The following POLG2 variants were observed in gnomAD, a reference collection of about 807,000 sequenced individuals.
POLG2 encodes the protein DNA polymerase subunit gamma-2.
In POLG2, 50 loss-of-function variants were observed where a neutral mutation model predicts 56.5. That is an observed-to-expected ratio of 0.88 (90% CI 0.71 to 1.12). The LOEUF (loss-of-function observed/expected upper bound fraction) is 1.12, where lower values mean the gene tolerates loss of function less well. Ranked by LOEUF, POLG2 falls within the 50% of genes most tolerant of loss-of-function variation. POLG2 has a pLI of 0.00. For synonymous variants in POLG2, 226 were observed against 222.6 expected, an observed-to-expected ratio of 1.02 and a Z score of -0.14; for missense variants, 584 against 583.3, an observed-to-expected ratio of 1.00 and a Z score of -0.01.
intron 3 of POLG2, chr17:64,491,830 G>A (rs1002054984): frequency 3.2e-5 from 14 of 439,038 alleles, no homozygotes; most frequent in Middle Eastern, 6.7e-4. Context: ...CTTCTTGGCT[G>A]CAACCCCTCC....
intron 7 of POLG2, among the ~76,000 whole-genome samples, chr17:64,480,067 A>C (rs1555666184): frequency 6.6e-6 from 1 of 152,234 alleles, no homozygotes; most frequent in Non-Finnish European, 1.5e-5. Flanking sequence ...CATGACATTA[A>C]GTCTTGGAAC....
Position 64,495,165 on chromosome 17 carries a change from G to A in POLG2, c.562+1242C>T, listed in dbSNP as rs1387388169. Among the ~76,000 whole-genome samples, 22 of 106,908 alleles carry A rather than the reference G, an allele frequency of 2.1e-4. 1 individual carries two copies. The highest frequency in any genetic ancestry group is 2.9e-4 in the Non-Finnish European group (17 of 57,682). 70.1% of individuals were successfully genotyped at this position (106,908 alleles called of 152,430 possible). ...TGCACTCCAGCCTGGGCGGCAGAGCGAGACTCTGTCTCAAAAAAAAAAAAA... is the reference window on the plus strand; with the variant it reads ...TGCACTCCAGCCTGGGCGGCAGAGCAAGACTCTGTCTCAAAAAAAAAAAAA... On this transcript the variant is annotated intron_variant, in intron 1 of 7. Coordinates refer to ENST00000539111, the MANE Select transcript of POLG2 (RefSeq NM_007215.4).
intron 6 of POLG2, chr17:64,481,472 C>A: frequency 1.1e-6 from 1 of 899,796 alleles, no homozygotes; most frequent in East Asian, 1.2e-4. Context: ...AGCCATCCCC[C>A]ATGGCCTTTC....
At chr17:64,487,515 G>A (rs1555667707) in intron 4 of POLG2, 1 of 151,370 alleles carries the variant, frequency 6.6e-6, no homozygotes, top group African/African-American at 2.4e-5. Flanking sequence ...TCAGCAGGCT[G>A]AGGCATGAGA....
rs2037938837 is a variant in POLG2, at chr17:64,485,710, C to T, written c.1110+18G>A. 1 of 1,601,894 alleles carries T rather than the reference C, an allele frequency of 6.2e-7. No individual in the cohort carries two copies. ...TATTTTTAGTTTCCCAAGTCTATCT[C>T]TGAAATATCAACAGCACCTTTCTAT... On this transcript the variant is annotated intron_variant, in intron 5 of 7. Transcript: ENST00000539111.
rs1064797227 is a variant in POLG2 at position 64,496,922 on chromosome 17, C to G, written c.47G>C (p.Cys16Ser). ...AVRACHKVCR[C>S]LLSGFGGRVD... ...TCGACCCCCAAACCCAGACAACAGG[C>G]ACCTGCAGACCTTATGGCAGGCCCT... is the stretch of plus-strand genomic sequence containing the variant. Residue 16 changes from cysteine (C) to serine (S), a missense_variant, in exon 1 of 8, where the codon TGC becomes TCC. Transcript: ENST00000539111. 9.9e-6 allele frequency: 16 copies of G among 1,612,074 alleles called. No individual in the cohort carries two copies. Among genetic ancestry groups the G allele is most frequent in the African/African-American group, 1.3e-5 (1 of 75,046 alleles).
At position 64,492,687 on chromosome 17, in the gene POLG2, G is replaced by A. The variant is rs782006396; in HGVS notation, c.775C>T (p.Arg259Ter). The A allele has an allele frequency of 2.1e-5, 33 of 1,608,524 alleles. No individual in the cohort carries two copies. Among genetic ancestry groups the A allele is most frequent in the East Asian group, 4.5e-5 (2 of 44,860 alleles). ...NQWLDFWLRH[R>*]LQWWRKFAMS... is the part of the protein sequence containing the mutation. ...AGTACCTTTCTCCACCACTGGAGTC[G>A]ATGACGTAACCAGAAATCAAGCCAC... is the stretch of plus-strand genomic sequence containing the variant. The change falls in exon 3 of 8, where the codon CGA (arginine) becomes TGA (stop). Residue 259 changes from arginine (R) to a stop codon, truncating the protein, a stop_gained. Transcript: ENST00000539111. LOFTEE classifies it high-confidence loss of function.
chr17:64,484,571 G>A (rs1195753181), intron 5 of POLG2, among the ~76,000 whole-genome samples: 6 of 152,148 alleles, frequency 3.9e-5, no homozygotes, highest in Admixed American at 3.9e-4. Flanking sequence ...AGGAGTGGCG[G>A]TGGCTTATAG....
At chr17:64,481,535 G>T (rs904031928) in intron 6 of POLG2, 1 of 404,012 alleles carries the variant, frequency 2.5e-6, no homozygotes, top group Non-Finnish European at 3.3e-6. Context: ...TAAAATTATA[G>T]ATCTAGAATA....
intron 3 of POLG2, chr17:64,491,807 C>T (rs781976636): frequency 6.5e-5 from 33 of 509,094 alleles, no homozygotes; most frequent in Non-Finnish European, 1.1e-4. Flanking sequence ...ATGCTCTGCA[C>T]TCCCCCAGCA....
chr17:64,493,104 A>T, intron 1 of POLG2, 83 bp from the exon 2 acceptor site: 1 of 1,386,782 alleles, frequency 7.2e-7, no homozygotes, highest in Middle Eastern at 1.8e-4. Context: ...TAATAGTAGT[A>T]ATAACGTTAA....
Position 64,491,477 on chromosome 17 carries a change from T to C in POLG2, c.796-508A>G, listed in dbSNP as rs1555668458. 9.7e-6 allele frequency: 12 copies of C among 1,238,452 alleles called. No homozygotes were observed. The East Asian group carries it at 2.6e-4, about 27-fold the overall frequency. The allele number at this position is 1,238,452 out of a possible 1,614,324, so 76.7% of individuals were successfully genotyped here. A position where few individuals can be genotyped will look rare whatever the true frequency, so the allele number is the denominator to read the frequency against. On this transcript the variant is annotated intron_variant, in intron 3 of 7. Coordinates refer to ENST00000539111, the MANE Select transcript of POLG2 (RefSeq NM_007215.4). ...GTGAGCTGTGATTGTGCAACGGCAG[T>C]CCAGCCCGGGCAAAAGAGTGAGACT... is the stretch of plus-strand genomic sequence containing the variant.
intron 4 of POLG2, 34 bp downstream of exon 4, chr17:64,490,762 T>TA (rs2038044157): frequency 9.7e-6 from 15 of 1,549,722 alleles, no homozygotes; most frequent in Non-Finnish European, 1.3e-5. Context: ...AGAATCTGGG[T>TA]AAAAAATACA....
intron 1 of POLG2, among the ~76,000 whole-genome samples, chr17:64,493,379 T>C (rs1175908434): frequency 1.3e-5 from 2 of 152,208 alleles, no homozygotes; most frequent in East Asian, 3.9e-4. Context: ...ATGGTGCCAC[T>C]GTGCTCCAGC....
At chr17:64,487,722 C>T (rs2037982926) in intron 4 of POLG2, among the ~76,000 whole-genome samples, 1 of 151,906 alleles carries the variant, frequency 6.6e-6, no homozygotes. Context: ...ATGCTTTAGG[C>T]TGGGCACAGT....
At chr17:64,495,816 C>T (rs2038141459) in intron 1 of POLG2, among the ~76,000 whole-genome samples, 2 of 151,962 alleles carry the variant, frequency 1.3e-5, no homozygotes, top group Admixed American at 6.6e-5. Context: ...TCAAGCGATT[C>T]TCCTGCCTCA....
chr17:64,480,936 A>G (rs2144131803), intron 6 of POLG2, among the ~76,000 whole-genome samples: 1 of 152,386 alleles, frequency 6.6e-6, no homozygotes, highest in South Asian at 2.1e-4. Context: ...TTGACTGGAA[A>G]TACAGAAGTA....
chr17:64,490,913 C>T lies in POLG2; in HGVS notation c.852G>A (p.Arg284=), dbSNP rs782041031. The T allele has an allele frequency of 5.0e-6, 8 of 1,613,968 alleles. No homozygotes were observed. In the South Asian group the frequency reaches 5.5e-5, roughly 11 times the overall value. ...SSSDCQDEEG[R]KGNKLYYNFP... Reference sequence around the variant, plus strand: ...AATTGTAGTAAAGTTTGTTTCCTTTCCGGCCTTCTTCATCCTGACAGTCAC... The same window carrying T: ...AATTGTAGTAAAGTTTGTTTCCTTTTCGGCCTTCTTCATCCTGACAGTCAC... Residue 284 remains arginine (R), a synonymous_variant, in exon 4 of 8, where the codon CGG becomes CGA. Transcript: ENST00000539111.
intron 3 of POLG2, chr17:64,491,522 G>C: frequency 6.5e-7 from 1 of 1,527,518 alleles, no homozygotes; most frequent in Non-Finnish European, 9.0e-7. Context: ...AAAAAACCAA[G>C]ATGGAGTCAG....
Sources: allele counts gnomAD v4.1 joint callset (sites outside exome capture counted in the v4.1 genomes callset), GRCh38; gene constraint gnomAD v4.1.1; transcripts MANE v1.5; gene names NCBI Gene and HGNC (gene_info 2026-07-23, HGNC 2026-07-21).